Variants in TNIP1 observed in about 807,000 individuals in gnomAD.
TNIP1 encodes TNFAIP3 interacting protein 1.
In TNIP1, 22 loss-of-function variants were observed where a neutral mutation model predicts 86.6. The ratio of observed to expected loss-of-function variants is 0.25; its 90% CI spans 0.18 to 0.36. The LOEUF (loss-of-function observed/expected upper bound fraction) is 0.36. Among genes scored for constraint, TNIP1 ranks in the 10% least tolerant of loss-of-function variants. TNIP1 has a pLI of 1.00. For synonymous variants in TNIP1, 294 were observed against 313.0 expected (o/e 0.94, Z 0.64); for missense variants, 709 against 820.6 (o/e 0.86, Z 1.66).
chr5:151,079,357 C>T (rs1276753701), intron 1 of TNIP1, among the ~76,000 whole-genome samples: 1 of 152,146 alleles, frequency 6.6e-6, no homozygotes, highest in African/African-American at 2.4e-5. Flanking sequence ...GGCGGGGCGG[C>T]TCACACCTGT....
At chr5:151,049,753 A>T in intron 8 of TNIP1, 71 bp downstream of exon 8, 1 of 1,571,724 alleles carries the variant, frequency 6.4e-7, no homozygotes, top group Non-Finnish European at 8.7e-7. Flanking sequence ...GCTCACTGTC[A>T]CTGGAGGTGG....
In TNIP1 at chr5:151,030,191, A is replaced by G; in HGVS notation, c.*522T>C. 1 of 456,174 alleles carries G rather than the reference A, an allele frequency of 2.2e-6. No individual in the cohort carries two copies. The highest frequency in any genetic ancestry group is 3.3e-4 in the Middle Eastern group (1 of 3,054). 28.3% of individuals were successfully genotyped at this position (456,174 alleles called of 1,614,324 possible). A position where few individuals can be genotyped will look rare whatever the true frequency, so the allele number is the denominator to read the frequency against. ...GTGGTGGAGAGGGCCCCAGAGCCAG[A>G]ATATCCATCATTCTCTTCTGTTCTG... On this transcript the variant is annotated 3_prime_UTR_variant, in exon 18 of 18. Transcript: ENST00000521591.
chr5:151,040,463 C>T (rs1758275818), intron 11 of TNIP1, among the ~76,000 whole-genome samples: 2 of 152,292 alleles, frequency 1.3e-5, no homozygotes, highest in South Asian at 4.1e-4. Context: ...TCAAGAGGCT[C>T]CCGGATGGGC....
intron 1 of TNIP1, among the ~76,000 whole-genome samples, chr5:151,069,134 G>A (rs1233290242): frequency 6.6e-6 from 1 of 152,232 alleles, no homozygotes; most frequent in Non-Finnish European, 1.5e-5. Context: ...CCACCCACTA[G>A]CAGGCAAGCA....
At position 151,080,958 on chromosome 5, in the gene TNIP1, G is replaced by C. The variant is rs952325390; in HGVS notation, c.-115C>G. On this transcript the variant is annotated 5_prime_UTR_variant, in exon 1 of 18. Coordinates refer to ENST00000521591, the MANE Select transcript of TNIP1 (RefSeq NM_006058.5). ...AATCCAGGGACGGGGCAGCGGCCCG[G>C]GCAAGGCTCCGGCCCCCCGTAGCAC... 4 of 152,138 alleles carry C rather than the reference G, an allele frequency of 2.6e-5. No homozygotes were observed. Among genetic ancestry groups the C allele is most frequent in the Admixed American group, 2.6e-4 (4 of 15,288 alleles). The allele number at this position is 152,138 out of a possible 1,614,324, so 9.4% of individuals were successfully genotyped here. A position where few individuals can be genotyped will look rare whatever the true frequency, so the allele number is the denominator to read the frequency against.
chr5:151,078,028 A>C (rs1282311178), intron 1 of TNIP1, among the ~76,000 whole-genome samples: 1 of 152,156 alleles, frequency 6.6e-6, no homozygotes, highest in Non-Finnish European at 1.5e-5. Context: ...AGACCCCTCC[A>C]ACCATCTGGT....
intron 8 of TNIP1, among the ~76,000 whole-genome samples, chr5:151,046,690 T>C (rs1475383025): frequency 6.6e-6 from 1 of 151,808 alleles, no homozygotes; most frequent in African/African-American, 2.4e-5. Flanking sequence ...ATAACAATAA[T>C]AATAAAAGAG....
intron 5 of TNIP1, among the ~76,000 whole-genome samples, chr5:151,060,050 G>A (rs1253662302): frequency 6.6e-6 from 1 of 152,174 alleles, no homozygotes; most frequent in Non-Finnish European, 1.5e-5. Flanking sequence ...GGAGGTGCCT[G>A]GCCCCTGGCA....
chr5:151,074,416 A>G (rs1400231199), intron 1 of TNIP1, among the ~76,000 whole-genome samples: 1 of 152,178 alleles, frequency 6.6e-6, no homozygotes, highest in African/African-American at 2.4e-5. Flanking sequence ...TATACAAAAT[A>G]TGGTGGAAAG....
chr5:151,047,297 C>T (rs1759300683), intron 8 of TNIP1, among the ~76,000 whole-genome samples: 1 of 152,208 alleles, frequency 6.6e-6, no homozygotes. Context: ...GATCCAATCA[C>T]TTGTGAGGCC....
rs1279587084 is a variant in TNIP1 at position 151,081,002 on chromosome 5, G to C, written c.-159C>G. 30 of 152,128 alleles carry C rather than the reference G, an allele frequency of 2.0e-4. No individual in the cohort carries two copies. The highest frequency in any genetic ancestry group is 1.9e-3 in the Admixed American group (29 of 15,286). The allele number at this position is 152,128 out of a possible 1,614,324, so 9.4% of individuals were successfully genotyped here. A position where few individuals can be genotyped will look rare whatever the true frequency, so the allele number is the denominator to read the frequency against. The stretch of plus-strand genomic sequence containing the variant: ...GTAGCACTCCTAGGGCTCCTGGACG[G>C]GGGCAGGGCACCCGGGCCGAGGACG... On this transcript the variant is annotated 5_prime_UTR_variant, in exon 1 of 18. Coordinates refer to ENST00000521591, the MANE Select transcript of TNIP1 (RefSeq NM_006058.5).
At chr5:151,055,139 TA>T (rs1490883310) in intron 6 of TNIP1, among the ~76,000 whole-genome samples, 1 of 152,148 alleles carries the variant, frequency 6.6e-6, no homozygotes, top group Non-Finnish European at 1.5e-5. Flanking sequence ...ACCAAGTGTG[TA>T]TGAAGTGCCA....
chr5:151,040,260 G>A (rs1758249811), intron 11 of TNIP1, among the ~76,000 whole-genome samples: 1 of 152,232 alleles, frequency 6.6e-6, no homozygotes. Flanking sequence ...TGGGATCATG[G>A]CAGTGGGAGG....
intron 17 of TNIP1, among the ~76,000 whole-genome samples, chr5:151,031,816 T>A (rs1756936681): frequency 6.6e-6 from 1 of 152,166 alleles, no homozygotes; most frequent in African/African-American, 2.4e-5. Context: ...AAAAGCATCC[T>A]CCACCCCTAC....
At chr5:151,067,091 G>A (rs1762323823) in intron 1 of TNIP1, among the ~76,000 whole-genome samples, 2 of 152,210 alleles carry the variant, frequency 1.3e-5, no homozygotes. Context: ...AGCCTGCGAG[G>A]CAAAGGACAG....
At chr5:151,042,001 T>G (rs2113399328) in intron 11 of TNIP1, among the ~76,000 whole-genome samples, 1 of 149,954 alleles carries the variant, frequency 6.7e-6, no homozygotes, top group Admixed American at 6.7e-5. Flanking sequence ...AGTGCGATGG[T>G]GCAATCTTGA....
At chr5:151,055,558 C>T (rs764594255) in intron 6 of TNIP1, among the ~76,000 whole-genome samples, 3 of 152,200 alleles carry the variant, frequency 2.0e-5, no homozygotes, top group Non-Finnish European at 4.4e-5. Context: ...CTCTGCCTCT[C>T]GTTCAGCCTC....
At chr5:151,042,462 C>A in intron 11 of TNIP1, 78 bp downstream of exon 11, 2 of 1,561,484 alleles carry the variant, frequency 1.3e-6, no homozygotes, top group Non-Finnish European at 1.7e-6. Flanking sequence ...GACTCCTGCC[C>A]CTGGCTTGTT....
In TNIP1 at chr5:151,064,397, G is replaced by C. The variant is rs138360484; in HGVS notation, c.136+563C>G. ...GCCCCCTCTGGATGGGGAAATCAAT[G>C]AAAGCCTTGTCTGGAGGAGAAGGGG... On this transcript the variant is annotated intron_variant, in intron 2 of 17. Transcript: ENST00000521591. 9.5e-4 allele frequency among the ~76,000 whole-genome samples: 144 copies of C among 152,338 alleles called. 1 individual carries two copies. The highest frequency in any genetic ancestry group is 3.2e-3 in the African/African-American group (131 of 41,572).
Sources: allele counts gnomAD v4.1 joint callset (sites outside exome capture counted in the v4.1 genomes callset), GRCh38; gene constraint gnomAD v4.1.1; transcripts MANE v1.5; gene names NCBI Gene and HGNC (gene_info 2026-07-23, HGNC 2026-07-21).